The following RCC1L variants were observed in gnomAD, a reference collection of about 807,000 sequenced individuals.
RCC1L encodes RCC1-like G exchanging factor-like protein.
RCC1L carries 46 observed loss-of-function variants against 58.6 expected under a neutral mutation model. That is an observed-to-expected ratio of 0.79 (90% CI 0.62 to 1.00). The LOEUF (loss-of-function observed/expected upper bound fraction) is 1.00. Among genes scored for constraint, RCC1L ranks in the 50% least tolerant of loss-of-function variants. The pLI is 0.00. For missense variants in RCC1L, 636 were observed against 623.6 expected (o/e 1.02, Z -0.21); for synonymous variants, 281 against 262.9 (o/e 1.07, Z -0.67).
In RCC1L at chr7:75,042,961, CCA is replaced by C; in HGVS notation, c.*69_*70del. ...CCATCCAAGAACCCCGGGGGGCTGG[CCA>C]CGCGCTGGCCTCTGCCAAGGAGTGC... On this transcript the variant is annotated 3_prime_UTR_variant, in exon 11 of 11. Coordinates refer to ENST00000610322, the MANE Select transcript of RCC1L (RefSeq NM_030798.5). The C allele has an allele frequency of 6.2e-7, 1 of 1,610,926 alleles. No individual in the cohort carries two copies. The highest frequency in any genetic ancestry group is 8.5e-7 in the Non-Finnish European group (1 of 1,178,402).
At chr7:75,058,509 G>C (rs1806154810) in intron 7 of RCC1L, 79 bp downstream of exon 7, 1 of 1,528,840 alleles carries the variant, frequency 6.5e-7, no homozygotes, top group Non-Finnish European at 8.9e-7. Context: ...GGGATTACAG[G>C]TGTGAGCCAC....
chr7:75,041,828 C>T (rs1433922971), downstream of RCC1L, among the ~76,000 whole-genome samples: 2 of 145,830 alleles, frequency 1.4e-5, no homozygotes, highest in East Asian at 4.0e-4. Flanking sequence ...CATGTTGCTG[C>T]ACTCCAGCCT....
intron 7 of RCC1L, 140 bp from the exon 8 acceptor site, chr7:75,057,756 CA>C: frequency 1.3e-6 from 1 of 792,502 alleles, no homozygotes; most frequent in East Asian, 2.7e-5. Context: ...ACATGCCAAG[CA>C]TCATACTAGG....
chr7:75,066,680 C>T lies in RCC1L; in HGVS notation c.567G>A (p.Leu189=). Residue 189 remains leucine (L), a synonymous_variant, in exon 3 of 11, where the codon TTG becomes TTA. Coordinates refer to ENST00000610322, the MANE Select transcript of RCC1L (RefSeq NM_030798.5). The part of the protein sequence containing the change: ...VSCGRAHSLV[L]TDREGVFSMG... ...TCAACTCACCTCCTTCCCTGTCAGT[C>T]AACACAAGAGAGTGAGCTCGGCCGC... 6.2e-7 allele frequency: 1 copy of T among 1,612,828 alleles called. No homozygotes were observed. The highest frequency in any genetic ancestry group is 8.5e-7 in the Non-Finnish European group (1 of 1,179,392).
At chr7:75,068,554 C>T (rs1157312763) in intron 2 of RCC1L, among the ~76,000 whole-genome samples, 3 of 151,448 alleles carry the variant, frequency 2.0e-5, no homozygotes, top group African/African-American at 7.3e-5. Context: ...GGTGTGATGG[C>T]GGGCGCCTGT....
chr7:75,061,343 G>T, intron 5 of RCC1L, 52 bp from the exon 6 acceptor site: 1 of 1,526,942 alleles, frequency 6.5e-7, no homozygotes, highest in South Asian at 1.1e-5. Flanking sequence ...TAGAACCCTG[G>T]TGTCCTCATC....
At chr7:75,029,656 G>T (rs1266872970) in intron 10 of RCC1L, among the ~76,000 whole-genome samples, 1 of 151,694 alleles carries the variant, frequency 6.6e-6, no homozygotes, top group Non-Finnish European at 1.5e-5. Flanking sequence ...TGGGATTTTT[G>T]ACGCCACTTC....
In RCC1L at chr7:75,073,607, T is replaced by C. The variant is rs868934383; in HGVS notation, c.131A>G (p.Glu44Gly). Residue 44 changes from glutamate (E) to glycine (G), a missense_variant, in exon 1 of 11, where the codon GAG (glutamate) becomes GGG (glycine). Physicochemically the swap from Glu to Gly is moderately conservative, Grantham distance 98. Coordinates refer to ENST00000610322, the MANE Select transcript of RCC1L (RefSeq NM_030798.5). ...SRREAAEAEA[E>G]VPVVQYVGER... ...GCCCACGTACTGGACCACGGGCACC[T>C]CCGCCTCGGCTTCTGCCGCTTCGCG... 6.6e-7 allele frequency: 1 copy of C among 1,522,102 alleles called. No individual in the cohort carries two copies. Among genetic ancestry groups the C allele is most frequent in the Middle Eastern group, 1.7e-4 (1 of 5,804 alleles). 94.3% of individuals were successfully genotyped at this position (1,522,102 alleles called of 1,614,324 possible).
chr7:75,049,322 G>C (rs1285829797), intron 10 of RCC1L, among the ~76,000 whole-genome samples: 1 of 151,632 alleles, frequency 6.6e-6, no homozygotes. Flanking sequence ...GGCAACATAG[G>C]AAGACCTCAT....
rs940905965 is a variant in RCC1L, at chr7:75,042,830, G to T, written c.*202C>A. The T allele has an allele frequency of 1.0e-5, 15 of 1,445,942 alleles. No individual in the cohort carries two copies. In the African/African-American group the frequency reaches 2.2e-4, roughly 21 times the overall value. The allele number at this position is 1,445,942 out of a possible 1,614,324, so 89.6% of individuals were successfully genotyped here. A position where few individuals can be genotyped will look rare whatever the true frequency, so the allele number is the denominator to read the frequency against. On this transcript the variant is annotated 3_prime_UTR_variant, in exon 11 of 11. Transcript: ENST00000610322. ...CTGCCATCCAAGCTGAGTTCCGCAG[G>T]CCTCACCTGCAGCTGGAGAGGGACC... is the stretch of plus-strand genomic sequence containing the variant.
In RCC1L at chr7:75,028,106, A is replaced by G. The variant is rs1805188790; in HGVS notation, c.1318-27T>C. 4.8e-6 allele frequency: 7 copies of G among 1,444,898 alleles called. No individual in the cohort carries two copies. In the South Asian group the frequency reaches 5.3e-5, roughly 11 times the overall value. 89.5% of individuals were successfully genotyped at this position (1,444,898 alleles called of 1,614,324 possible). A position where few individuals can be genotyped will look rare whatever the true frequency, so the allele number is the denominator to read the frequency against. On this transcript the variant is annotated intron_variant, in intron 10 of 10. Coordinates refer to the RCC1L transcript ENST00000614461. ...TGGCGGGGGAGGAAGAGGGCTCTCT[A>G]TGATGTGGAATTTTTTTTTTTTTTT...
chr7:75,061,319 T>G, intron 5 of RCC1L, 28 bp from the exon 6 acceptor site: 1 of 1,603,030 alleles, frequency 6.2e-7, no homozygotes, highest in Non-Finnish European at 8.5e-7. Flanking sequence ...GTAAGGGGGA[T>G]GAGAGGAAAT....
downstream of RCC1L, among the ~76,000 whole-genome samples, chr7:75,039,206 T>C (rs1271515399): frequency 7.9e-5 from 12 of 152,340 alleles, no homozygotes; most frequent in African/African-American, 2.9e-4. Context: ...TAGATGCTAG[T>C]ACCGGGTGGA....
chr7:75,066,804 A>G lies in RCC1L; in HGVS notation c.455-12T>C. The G allele has an allele frequency of 8.1e-6, 13 of 1,599,726 alleles. No individual in the cohort carries two copies. The highest frequency in any genetic ancestry group is 1.0e-5 in the Non-Finnish European group (12 of 1,173,890). ...CTCGTAGCCCCTCGCTGGAAAAGACACAGGACACTGATTGAGGCATGCATT... is the reference window on the plus strand; with the variant it reads ...CTCGTAGCCCCTCGCTGGAAAAGACGCAGGACACTGATTGAGGCATGCATT... On this transcript the variant is annotated splice_polypyrimidine_tract_variant and intron_variant, in intron 2 of 10. Transcript: ENST00000610322.
intron 10 of RCC1L, among the ~76,000 whole-genome samples, chr7:75,045,354 A>AT (rs1454663329): frequency 2.0e-5 from 3 of 149,922 alleles, no homozygotes; most frequent in Admixed American, 6.7e-5. Flanking sequence ...TTATTTTTGT[A>AT]TTTTTTGTAG....
rs929696164 is a variant in RCC1L at position 75,030,229 on chromosome 7, C to A, written c.1318-2150G>T. On this transcript the variant is annotated intron_variant, in intron 10 of 10. Coordinates refer to the RCC1L transcript ENST00000614461. ...TTTATGCACACGTTTGTGCATGTAC[C>A]TGTGAGCGTGGATGTGTTCCTATGC... Among the ~76,000 whole-genome samples, 243 of 152,338 alleles carry A rather than the reference C, an allele frequency of 1.6e-3. 2 individuals are homozygous for A. The highest frequency in any genetic ancestry group is 2.6e-3 in the Non-Finnish European group (179 of 68,036).
At chr7:75,029,691 A>T (rs1463217928) in intron 10 of RCC1L, among the ~76,000 whole-genome samples, 1 of 152,042 alleles carries the variant, frequency 6.6e-6, no homozygotes, top group Non-Finnish European at 1.5e-5. Context: ...TTGCATGGGG[A>T]TGGGAAGAAG....
chr7:75,063,958 A>T (rs936030733), intron 4 of RCC1L, among the ~76,000 whole-genome samples: 4 of 152,112 alleles, frequency 2.6e-5, no homozygotes, highest in East Asian at 1.9e-4. Flanking sequence ...TAAAATGAAA[A>T]AAATGAAATA....
intron 10 of RCC1L, among the ~76,000 whole-genome samples, chr7:75,048,854 C>T (rs2131983386): frequency 6.6e-6 from 1 of 152,330 alleles, no homozygotes; most frequent in South Asian, 2.1e-4. Context: ...GTGGAAAGAC[C>T]ATTGTCTTAA....
Sources: gnomAD v4.1 joint callset for allele counts (sites outside exome capture counted in the v4.1 genomes callset) on GRCh38, gnomAD v4.1.1 for gene constraint, MANE v1.5 for transcripts, NCBI Gene and HGNC (gene_info 2026-07-23, HGNC 2026-07-21) for gene names.